Variants in PRKCE observed in about 807,000 individuals in gnomAD.
The protein encoded by PRKCE is protein kinase C epsilon type.
In PRKCE, 16 loss-of-function variants were observed where a neutral mutation model predicts 85.4. The ratio of observed to expected loss-of-function variants is 0.19; its 90% CI spans 0.13 to 0.28. The LOEUF (loss-of-function observed/expected upper bound fraction) is 0.28. Among genes scored for constraint, PRKCE ranks in the 10% least tolerant of loss-of-function variants. The pLI is 1.00. For synonymous variants in PRKCE, 388 were observed against 371.5 expected (o/e 1.04, Z -0.51); for missense variants, 573 against 975.2 (o/e 0.59, Z 5.49).
At chr2:46,027,659 A>G (rs191401259) in intron 10 of PRKCE, among the ~76,000 whole-genome samples, 178 of 152,352 alleles carry the variant, frequency 1.2e-3, no homozygotes, top group African/African-American at 4.2e-3. Flanking sequence ...CAAAAATTCG[A>G]ACTTTAACAA....
chr2:46,113,771 A>T (rs944860246), intron 11 of PRKCE, among the ~76,000 whole-genome samples: 1 of 152,132 alleles, frequency 6.6e-6, no homozygotes, highest in African/African-American at 2.4e-5. Context: ...TTCCTGAGGG[A>T]TGAATGTAAC....
At chr2:45,892,335 G>A (rs762872124) in intron 2 of PRKCE, among the ~76,000 whole-genome samples, 3 of 151,278 alleles carry the variant, frequency 2.0e-5, no homozygotes, top group Non-Finnish European at 2.9e-5. Context: ...GCTGTTCTTT[G>A]TATTTCTCTT....
At chr2:45,910,127 C>G (rs1697278741) in intron 2 of PRKCE, among the ~76,000 whole-genome samples, 1 of 152,066 alleles carries the variant, frequency 6.6e-6, no homozygotes, top group African/African-American at 2.4e-5. Context: ...AATAAGACAC[C>G]TAATAACAAT....
At position 46,105,029 on chromosome 2, in the gene PRKCE, T is replaced by C. The variant is rs577477690; in HGVS notation, c.1592+18667T>C. Among the ~76,000 whole-genome samples, 259 of 148,442 alleles carry C rather than the reference T, an allele frequency of 1.7e-3. 3 individuals are homozygous for C. The East Asian group carries it at 0.022, about 13-fold the overall frequency. ...CTGTGACATCTTCCTTTTTTTTTTT[T>C]CCCCAGAATAGAGCACTTTTGCCTG... On this transcript the variant is annotated intron_variant, in intron 11 of 14. Transcript: ENST00000306156.
chr2:46,173,081 G>A (rs551919442), intron 14 of PRKCE, among the ~76,000 whole-genome samples: 1 of 152,296 alleles, frequency 6.6e-6, no homozygotes, highest in South Asian at 2.1e-4. Context: ...TTGAGGCAGG[G>A]GTCTGCGAAC....
chr2:45,696,840 G>C (rs1480818497), intron 1 of PRKCE, among the ~76,000 whole-genome samples: 1 of 152,134 alleles, frequency 6.6e-6, no homozygotes, highest in Non-Finnish European at 1.5e-5. Flanking sequence ...GCAGAGCTCA[G>C]AGGCTTTGAA....
intron 2 of PRKCE, among the ~76,000 whole-genome samples, chr2:45,952,754 G>T (rs540584726): frequency 9.2e-5 from 14 of 152,326 alleles, no homozygotes; most frequent in African/African-American, 3.4e-4. Flanking sequence ...TTGACATGCA[G>T]CTTTCCAGGA....
chr2:45,992,589 A>G (rs1297308666), intron 6 of PRKCE, among the ~76,000 whole-genome samples: 1 of 152,192 alleles, frequency 6.6e-6, no homozygotes, highest in Admixed American at 6.5e-5. Context: ...CTGTTATGAA[A>G]TCAAACCATT....
At chr2:46,067,719 C>T (rs1007966927) in intron 10 of PRKCE, among the ~76,000 whole-genome samples, 2 of 152,176 alleles carry the variant, frequency 1.3e-5, no homozygotes, top group African/African-American at 4.8e-5. Context: ...ACGCATAAAA[C>T]TTCCCGTTAG....
chr2:45,655,353 A>C (rs1379818600), intron 1 of PRKCE, among the ~76,000 whole-genome samples: 2 of 145,190 alleles, frequency 1.4e-5, no homozygotes, highest in Non-Finnish European at 1.5e-5. Context: ...GTTTTTTTGC[A>C]TTTTTTTTTT....
chr2:46,179,558 C>A (rs1679767885), intron 14 of PRKCE, among the ~76,000 whole-genome samples: 1 of 152,136 alleles, frequency 6.6e-6, no homozygotes, highest in Non-Finnish European at 1.5e-5. Context: ...TGAAATGATG[C>A]CAGAGGGAAT....
At position 46,134,761 on chromosome 2, in the gene PRKCE, C is replaced by T. The variant is rs188770741; in HGVS notation, c.1593-10332C>T. 7.2e-5 allele frequency among the ~76,000 whole-genome samples: 11 copies of T among 152,330 alleles called. No individual in the cohort carries two copies. The East Asian group carries it at 1.2e-3, about 16-fold the overall frequency. On this transcript the variant is annotated intron_variant, in intron 11 of 14. Transcript: ENST00000306156. Reference sequence around the variant, plus strand: ...TCTGTCCTGGGCTTTGCCCAAACAGCTGTTTTGATGACCAAGTTGATTGGC... The same window carrying T: ...TCTGTCCTGGGCTTTGCCCAAACAGTTGTTTTGATGACCAAGTTGATTGGC...
intron 10 of PRKCE, among the ~76,000 whole-genome samples, chr2:46,060,179 C>A (rs947643235): frequency 6.6e-6 from 1 of 152,170 alleles, no homozygotes; most frequent in Admixed American, 6.5e-5. Context: ...GGAGAAGAGT[C>A]TTTTTGCCAT....
chr2:46,078,567 G>A, intron 10 of PRKCE, among the ~76,000 whole-genome samples: 1 of 151,158 alleles, frequency 6.6e-6, no homozygotes, highest in East Asian at 1.9e-4. Context: ...AGATTTTAGG[G>A]TTCTTTACTT....
chr2:45,858,488 A>G (rs1196990129), intron 2 of PRKCE, among the ~76,000 whole-genome samples: 2 of 151,760 alleles, frequency 1.3e-5, no homozygotes, highest in Non-Finnish European at 2.9e-5. Context: ...CACTATTTTT[A>G]TGCTGAACTT....
chr2:46,077,154 G>A (rs1184729134), intron 10 of PRKCE, among the ~76,000 whole-genome samples: 2 of 136,658 alleles, frequency 1.5e-5, no homozygotes, highest in African/African-American at 2.6e-5. Flanking sequence ...TTTTCTCTCT[G>A]TCTCTTTCTC....
rs1344042985 is a variant in PRKCE at position 45,722,073 on chromosome 2, AAC to A, written c.348+69627_348+69628del. On this transcript the variant is annotated intron_variant, in intron 1 of 14. Transcript: ENST00000306156. Reference sequence around the variant, plus strand: ...TCCATATTTATCACATTAAAATTGAAACAGATACATTTTTAAATTACTTAATT... The same window carrying A: ...TCCATATTTATCACATTAAAATTGAAAGATACATTTTTAAATTACTTAATT... 3.3e-5 allele frequency among the ~76,000 whole-genome samples: 5 copies of A among 152,168 alleles called. No homozygotes were observed. In the South Asian group the frequency reaches 8.3e-4, roughly 25 times the overall value.
At chr2:46,151,431 G>C (rs1021516412) in intron 13 of PRKCE, among the ~76,000 whole-genome samples, 1 of 152,246 alleles carries the variant, frequency 6.6e-6, no homozygotes, top group African/African-American at 2.4e-5. Context: ...GCACAGTGCA[G>C]AGGACTGCTG....
chr2:46,103,922 G>A (rs1671471792), intron 11 of PRKCE, among the ~76,000 whole-genome samples: 1 of 152,072 alleles, frequency 6.6e-6, no homozygotes, highest in Admixed American at 6.6e-5. Context: ...AGGAGAGACT[G>A]GCATACTTGG....
Sources: gnomAD v4.1 joint callset for allele counts (sites outside exome capture counted in the v4.1 genomes callset) on GRCh38, gnomAD v4.1.1 for gene constraint, MANE v1.5 for transcripts, NCBI Gene and HGNC (gene_info 2026-07-23, HGNC 2026-07-21) for gene names.